The following NEK6 variants were observed in gnomAD, a reference collection of about 807,000 sequenced individuals.
NEK6 encodes serine/threonine-protein kinase Nek6.
Under a neutral mutation model 43.5 loss-of-function variants are expected in NEK6, and 27 were observed. The observed-to-expected ratio is 0.62, with a 90% CI of 0.46 to 0.86. The LOEUF is 0.86. Among genes scored for constraint, NEK6 ranks in the 40% least tolerant of loss-of-function variants. The pLI is 0.00. For synonymous variants in NEK6, 167 were observed against 164.1 expected, an observed-to-expected ratio of 1.02 and a Z score of -0.14; for missense variants, 318 against 414.4, an observed-to-expected ratio of 0.77 and a Z score of 2.02.
In NEK6 at chr9:124,326,322, C is replaced by G. The variant is rs1440800257; in HGVS notation, c.406-8C>G. On this transcript the variant is annotated splice_polypyrimidine_tract_variant and splice_region_variant and intron_variant, in intron 5 of 9. Transcript: ENST00000320246. The surrounding 1 kb of genome is among the most constrained non-coding windows in gnomAD (Gnocchi z 4.5). Reference sequence around the variant, plus strand: ...GGCCTATCCCTCTGCTTGTCTCCCCCACTGCAGTACTTTAAGAAGCAGAAG... The same window carrying G: ...GGCCTATCCCTCTGCTTGTCTCCCCGACTGCAGTACTTTAAGAAGCAGAAG... 4 of 1,604,590 alleles carry G rather than the reference C, an allele frequency of 2.5e-6. No individual in the cohort carries two copies. Among genetic ancestry groups the G allele is most frequent in the Middle Eastern group, 1.7e-4 (1 of 6,056 alleles).
chr9:124,257,916 G>A, upstream of NEK6: 1 of 968,454 alleles, frequency 1.0e-6, no homozygotes, highest in Non-Finnish European at 1.2e-6. Context: ...GCGGCGGGGA[G>A]GGGCGGGCGC....
chr9:124,344,953 G>C (rs1384683512), intron 8 of NEK6, among the ~76,000 whole-genome samples: 2 of 152,232 alleles, frequency 1.3e-5, no homozygotes, highest in African/African-American at 2.4e-5. Context: ...CCTTCTGTCT[G>C]GGATGTGCTC....
intron 4 of NEK6, among the ~76,000 whole-genome samples, chr9:124,320,941 T>TAAA (rs1020195240): frequency 6.6e-6 from 1 of 151,878 alleles, no homozygotes; most frequent in African/African-American, 2.4e-5. Flanking sequence ...AAAAATATTT[T>TAAA]AAAAAAAATG....
rs1012450451 is a variant in NEK6 at position 124,343,867 on chromosome 9, C to G, written c.718-3842C>G. The stretch of plus-strand genomic sequence containing the variant: ...CGGAAGGCTCAAAAGCCCCTGTGCT[C>G]ATCCCTGTGGCTGCAGTGACAGATG... On this transcript the variant is annotated intron_variant, in intron 8 of 9. Coordinates refer to ENST00000320246, the MANE Select transcript of NEK6 (RefSeq NM_014397.6). This position sits in a 1 kb window ranked among gnomAD's most constrained non-coding sequence, Gnocchi z 5.1. 6.6e-6 allele frequency among the ~76,000 whole-genome samples: 1 copy of G among 152,216 alleles called. No homozygotes were observed. The highest frequency in any genetic ancestry group is 1.5e-5 in the Non-Finnish European group (1 of 68,038).
chr9:124,327,273 C>T, intron 6 of NEK6, 65 bp from the exon 7 acceptor site: 1 of 1,349,090 alleles, frequency 7.4e-7, no homozygotes, highest in Non-Finnish European at 1.1e-6. Context: ...CCCCCTTCCT[C>T]TCGTCCTGCC....
chr9:124,311,420 A>G (rs1292503103), intron 2 of NEK6, among the ~76,000 whole-genome samples: 2 of 152,180 alleles, frequency 1.3e-5, no homozygotes, highest in Admixed American at 1.3e-4. Context: ...AGGGCAGGCC[A>G]GAGATGTGGC....
intron 1 of NEK6, among the ~76,000 whole-genome samples, chr9:124,288,965 G>GT (rs1182476048): frequency 6.6e-6 from 1 of 152,090 alleles, no homozygotes; most frequent in Non-Finnish European, 1.5e-5. Flanking sequence ...GTACATTGGG[G>GT]TTTTTTGGTT....
chr9:124,279,798 G>T (rs1288009507), intron 1 of NEK6, among the ~76,000 whole-genome samples: 2 of 152,200 alleles, frequency 1.3e-5, no homozygotes, highest in African/African-American at 4.8e-5. Context: ...CTCAAGGCAC[G>T]TATCGCTGTC....
chr9:124,293,158 G>A (rs1195505790), intron 1 of NEK6: 1 of 1,134,914 alleles, frequency 8.8e-7, no homozygotes, highest in Non-Finnish European at 1.1e-6. Context: ...TGATTAAAAT[G>A]CAGACTTTGG....
chr9:124,346,612 A>G (rs1402207606), intron 8 of NEK6, among the ~76,000 whole-genome samples: 1 of 152,150 alleles, frequency 6.6e-6, no homozygotes, highest in Non-Finnish European at 1.5e-5. Context: ...GCAGGCAGCC[A>G]CAGTGAGCTG....
intron 1 of NEK6, among the ~76,000 whole-genome samples, chr9:124,289,188 CACACACA>C (rs1564624231): frequency 8.6e-4 from 1 of 1,166 alleles, no homozygotes; most frequent in African/African-American, 3.8e-3. Context: ...CCCCCCCCGC[CACACACA>C]CACACACACA....
intron 8 of NEK6, 79 bp from the exon 9 acceptor site, chr9:124,347,630 T>C (rs1830008594): frequency 2.2e-6 from 2 of 890,318 alleles, no homozygotes; most frequent in Non-Finnish European, 3.5e-6. Context: ...GCCCCAACAA[T>C]CTGGAGCAGC....
At chr9:124,320,766 G>A (rs985581348) in intron 4 of NEK6, among the ~76,000 whole-genome samples, 9 of 152,116 alleles carry the variant, frequency 5.9e-5, no homozygotes, top group Admixed American at 5.9e-4. Flanking sequence ...AAATCAGCCG[G>A]GCAGCTCTCA....
At chr9:124,278,690 G>A (rs1564618379) in intron 1 of NEK6, among the ~76,000 whole-genome samples, 1 of 152,228 alleles carries the variant, frequency 6.6e-6, no homozygotes, top group Admixed American at 6.5e-5. Context: ...AGACGCATGC[G>A]TCAGATACCG....
intron 7 of NEK6, among the ~76,000 whole-genome samples, chr9:124,330,219 G>A (rs575990627): frequency 5.5e-4 from 84 of 152,318 alleles, no homozygotes; most frequent in African/African-American, 1.9e-3. Context: ...TAATTAGAGC[G>A]CGGAACAGAA....
intron 6 of NEK6, 136 bp from the exon 7 acceptor site, chr9:124,327,202 C>T: frequency 1.4e-6 from 1 of 704,058 alleles, no homozygotes; most frequent in Non-Finnish European, 2.5e-6. Flanking sequence ...GGTCCCACAG[C>T]CAGAGCCAGG....
intron 9 of NEK6, among the ~76,000 whole-genome samples, chr9:124,349,277 TTTGCTTTTTTCC>T (rs2131111043): frequency 6.6e-6 from 1 of 152,364 alleles, no homozygotes; most frequent in Non-Finnish European, 1.5e-5. Context: ...ATAGTTGCCA[TTTGCTTTTTTCC>T]TTTCTCATCT....
At chr9:124,280,854 G>A (rs762777970) in intron 1 of NEK6, among the ~76,000 whole-genome samples, 1 of 151,972 alleles carries the variant, frequency 6.6e-6, no homozygotes, top group African/African-American at 2.4e-5. Context: ...GGGTAGTGTC[G>A]TGATCTCGGC....
intron 1 of NEK6, among the ~76,000 whole-genome samples, chr9:124,274,903 A>T (rs1375518892): frequency 6.6e-6 from 1 of 152,170 alleles, no homozygotes; most frequent in Non-Finnish European, 1.5e-5. Context: ...TGCCATGTTG[A>T]GAAGGCTTTG....
Sources: allele counts gnomAD v4.1 joint callset (sites outside exome capture counted in the v4.1 genomes callset), GRCh38; gene constraint gnomAD v4.1.1; non-coding constraint Gnocchi (gnomAD v3.1); transcripts MANE v1.5; gene names NCBI Gene and HGNC (gene_info 2026-07-23, HGNC 2026-07-21).